The following ADORA2B variants were observed in gnomAD, a reference collection of about 807,000 sequenced individuals.
ADORA2B encodes the protein adenosine receptor A2b.
ADORA2B carries 18 observed loss-of-function variants against 20.8 expected under a neutral mutation model. The observed-to-expected ratio is 0.87, with a 90% confidence interval of 0.60 to 1.29. The LOEUF (loss-of-function observed/expected upper bound fraction) is 1.29, where lower values mean the gene tolerates loss of function less well. ADORA2B is among the 50% of genes most tolerant of loss of function. The pLI, the probability that ADORA2B is intolerant of heterozygous loss-of-function variation, is 0.00. For missense variants in ADORA2B, 441 were observed against 422.7 expected (o/e 1.04, Z -0.38); for synonymous variants, 179 against 178.3 (o/e 1.00, Z -0.03).
chr17:15,972,570 C>A (rs1463011848), intron 1 of ADORA2B, among the ~76,000 whole-genome samples: 2 of 152,058 alleles, frequency 1.3e-5, no homozygotes, highest in Non-Finnish European at 2.9e-5. Context: ...AGGTCACTTC[C>A]TTTCTTGGTC....
intron 1 of ADORA2B, among the ~76,000 whole-genome samples, chr17:15,961,200 A>G (rs1970035346): frequency 6.6e-6 from 1 of 151,538 alleles, no homozygotes; most frequent in Non-Finnish European, 1.5e-5. Flanking sequence ...TATTACTTTT[A>G]CTTTTGCATC....
intron 1 of ADORA2B, among the ~76,000 whole-genome samples, chr17:15,967,479 C>T (rs746475966): frequency 6.6e-6 from 1 of 152,124 alleles, no homozygotes; most frequent in Non-Finnish European, 1.5e-5. Context: ...GATCCACCCA[C>T]CTCGGCCTCC....
the ADORA2B span, among the ~76,000 whole-genome samples, chr17:15,887,294 C>A: frequency 7.7e-6 from 1 of 130,472 alleles, no homozygotes; most frequent in African/African-American, 3.2e-5. Flanking sequence ...GTCTCAAACC[C>A]CAAGTGCCGT....
the ADORA2B span, among the ~76,000 whole-genome samples, chr17:15,917,998 A>G: frequency 6.6e-6 from 1 of 152,194 alleles, no homozygotes; most frequent in South Asian, 2.1e-4. Flanking sequence ...TTGTACGTCC[A>G]GGTGGCCGTC....
At chr17:15,905,137 A>T in the ADORA2B span, among the ~76,000 whole-genome samples, 2 of 152,206 alleles carry the variant, frequency 1.3e-5, no homozygotes, top group African/African-American at 4.8e-5. Context: ...TGACACCTGA[A>T]CAGTGTTCAG....
At chr17:15,974,508 C>T (rs2151612426) in intron 1 of ADORA2B, 171 bp from the exon 2 acceptor site, 1 of 573,148 alleles carries the variant, frequency 1.7e-6, no homozygotes, top group East Asian at 2.8e-5. Flanking sequence ...TAGAGCAAAG[C>T]TGCTCATCCC....
chr17:15,904,930 A>G, the ADORA2B span, among the ~76,000 whole-genome samples: 248 of 152,298 alleles, frequency 1.6e-3, no homozygotes, highest in African/African-American at 5.5e-3. Context: ...TTCCTTACCA[A>G]TACTACACTG....
chr17:15,971,152 A>G (rs1262896747), intron 1 of ADORA2B, among the ~76,000 whole-genome samples: 3 of 152,226 alleles, frequency 2.0e-5, no homozygotes, highest in Non-Finnish European at 4.4e-5. Flanking sequence ...CCTGTGAACA[A>G]AGGAGGAGTA....
chr17:15,945,959 A>G (rs1356467918), intron 1 of ADORA2B, among the ~76,000 whole-genome samples: 1 of 151,558 alleles, frequency 6.6e-6, no homozygotes, highest in Admixed American at 6.6e-5. Context: ...TCACATCTCC[A>G]CTCCTGCCAC....
chr17:15,961,720 A>T (rs1183927220), intron 1 of ADORA2B, among the ~76,000 whole-genome samples: 1 of 152,258 alleles, frequency 6.6e-6, no homozygotes, highest in African/African-American at 2.4e-5. Flanking sequence ...TGGCTGCATC[A>T]TCCCATGGCA....
the ADORA2B span, among the ~76,000 whole-genome samples, chr17:15,855,940 AC>A: frequency 7.5e-4 from 114 of 151,126 alleles, no homozygotes; most frequent in African/African-American, 2.7e-3. Context: ...CCACTGAACA[AC>A]TCCCCACTTG....
At chr17:15,863,661 A>G in the ADORA2B span, among the ~76,000 whole-genome samples, 1 of 152,122 alleles carries the variant, frequency 6.6e-6, no homozygotes, top group African/African-American at 2.4e-5. Flanking sequence ...GCCCGTCTCT[A>G]CCTTTTAAAT....
chr17:15,855,786 C>T, the ADORA2B span, among the ~76,000 whole-genome samples: 3 of 152,138 alleles, frequency 2.0e-5, no homozygotes, highest in Admixed American at 6.5e-5. Context: ...TACAATTGAT[C>T]CCATCATTCG....
chr17:15,965,751 G>A (rs60044576), intron 1 of ADORA2B, among the ~76,000 whole-genome samples: 2,225 of 152,366 alleles, frequency 0.015, 51 homozygotes, highest in African/African-American at 0.05. Context: ...TGGCACTCCC[G>A]TAGAAAGCCA....
At chr17:15,885,708 C>T in the ADORA2B span, among the ~76,000 whole-genome samples, 211 of 132,708 alleles carry the variant, frequency 1.6e-3, 2 homozygotes, top group South Asian at 5.1e-4. Context: ...AGCAAGACTC[C>T]GTATCAAAAA....
the ADORA2B span, among the ~76,000 whole-genome samples, chr17:15,881,675 C>T: frequency 2.0e-5 from 3 of 152,256 alleles, no homozygotes; most frequent in African/African-American, 7.2e-5. Context: ...TGGACTCACA[C>T]CGCATGTGCC....
At chr17:15,914,549 C>T in the ADORA2B span, among the ~76,000 whole-genome samples, 2 of 152,194 alleles carry the variant, frequency 1.3e-5, no homozygotes, top group Non-Finnish European at 2.9e-5. Context: ...CCATTGCAGC[C>T]AATAATCATG....
chr17:15,942,414 T>C (rs1298885540), upstream of ADORA2B, among the ~76,000 whole-genome samples: 3 of 152,150 alleles, frequency 2.0e-5, no homozygotes, highest in Non-Finnish European at 4.4e-5. Flanking sequence ...AAGCAGATGC[T>C]GGCACTATGG....
the ADORA2B span, among the ~76,000 whole-genome samples, chr17:15,939,740 A>G: frequency 6.6e-6 from 1 of 151,648 alleles, no homozygotes; most frequent in African/African-American, 2.4e-5. Context: ...GGGTGCCTGT[A>G]GTCCCAGCTA....
Sources: gnomAD v4.1 joint callset for allele counts (sites outside exome capture counted in the v4.1 genomes callset) on GRCh38, gnomAD v4.1.1 for gene constraint, MANE v1.5 for transcripts, NCBI Gene and HGNC (gene_info 2026-07-23, HGNC 2026-07-21) for gene names.